The following OR9Q1 variants were observed in gnomAD, a reference collection of about 807,000 sequenced individuals.
The protein encoded by OR9Q1 is olfactory receptor family 9 subfamily Q member 1.
For synonymous variants in OR9Q1, 153 were observed against 148.6 expected (o/e 1.03, Z -0.22); for missense variants, 374 against 378.8 (o/e 0.99, Z 0.11).
chr11:58,061,109 T>C lies in OR9Q1; in HGVS notation c.-15+5162T>C, dbSNP rs562503548. ...TTTCTCTTCTCTCCTGCTCATCTTC[T>C]TCCTGCTTTCCTTCCCCTACAGGCT... is the stretch of plus-strand genomic sequence containing the variant. On this transcript the variant is annotated intron_variant, in intron 2 of 2. Coordinates refer to ENST00000335397, the MANE Select transcript of OR9Q1 (RefSeq NM_001005212.4). 4.1e-4 allele frequency among the ~76,000 whole-genome samples: 63 copies of C among 152,300 alleles called. No individual in the cohort carries two copies. In the South Asian group the frequency reaches 4.6e-3, roughly 11 times the overall value.
chr11:58,024,431 G>C (rs1307628908), intron 1 of OR9Q1, among the ~76,000 whole-genome samples: 1 of 152,094 alleles, frequency 6.6e-6, no homozygotes, highest in Non-Finnish European at 1.5e-5. Context: ...TAGGCCCCCA[G>C]ATGCCAGGTG....
chr11:58,034,104 C>G (rs1853070760), intron 1 of OR9Q1, among the ~76,000 whole-genome samples: 1 of 99,420 alleles, frequency 1.0e-5, no homozygotes, highest in Non-Finnish European at 1.8e-5. Context: ...TTTTTTTAGA[C>G]AGAGTCTTGC....
intron 2 of OR9Q1, among the ~76,000 whole-genome samples, chr11:58,156,985 C>A (rs1554971836): frequency 6.6e-6 from 1 of 152,158 alleles, no homozygotes; most frequent in Non-Finnish European, 1.5e-5. Context: ...TCTTAATAAC[C>A]TGTGAGTCAA....
chr11:58,113,495 C>G (rs902718870), intron 2 of OR9Q1, among the ~76,000 whole-genome samples: 3 of 152,220 alleles, frequency 2.0e-5, no homozygotes, highest in Non-Finnish European at 4.4e-5. Context: ...ATTGTACTCT[C>G]TCTTCCTGTA....
chr11:58,109,258 G>T, intron 2 of OR9Q1: 1 of 463,158 alleles, frequency 2.2e-6, no homozygotes. Context: ...TGGAGTCATG[G>T]TCATGTTACA....
At chr11:58,141,012 A>C (rs1303175460) in intron 2 of OR9Q1, among the ~76,000 whole-genome samples, 1 of 152,052 alleles carries the variant, frequency 6.6e-6, no homozygotes, top group Non-Finnish European at 1.5e-5. Flanking sequence ...CATCCCTTGT[A>C]AGTTGGATTC....
intron 2 of OR9Q1, among the ~76,000 whole-genome samples, chr11:58,108,479 A>G (rs180879100): frequency 5.6e-4 from 86 of 152,222 alleles, no homozygotes; most frequent in Admixed American, 4.1e-3. Context: ...GAATCCAGAA[A>G]GTTTGGGAGG....
intron 2 of OR9Q1, among the ~76,000 whole-genome samples, chr11:58,080,009 C>T (rs1022856980): frequency 4.6e-5 from 7 of 152,050 alleles, no homozygotes; most frequent in Admixed American, 2.6e-4. Flanking sequence ...TCTACAAAAA[C>T]GATTTTCTTT....
At chr11:58,123,136 G>T (rs1216393244) in intron 2 of OR9Q1, among the ~76,000 whole-genome samples, 2 of 152,092 alleles carry the variant, frequency 1.3e-5, no homozygotes, top group East Asian at 3.8e-4. Context: ...ATCTTTGGGA[G>T]ATTAATTTGT....
At chr11:58,135,856 G>A (rs1854184141) in intron 2 of OR9Q1, among the ~76,000 whole-genome samples, 1 of 152,164 alleles carries the variant, frequency 6.6e-6, no homozygotes, top group South Asian at 2.1e-4. Context: ...TTATCAAGCT[G>A]ATCTCTGAGC....
chr11:58,083,028 T>C (rs1346573452), intron 2 of OR9Q1, among the ~76,000 whole-genome samples: 1 of 150,252 alleles, frequency 6.7e-6, no homozygotes, highest in Non-Finnish European at 1.5e-5. Context: ...TTAGATCCCA[T>C]TTGTCTATTT....
chr11:58,131,009 C>T (rs1349882609), intron 2 of OR9Q1, among the ~76,000 whole-genome samples: 1 of 151,976 alleles, frequency 6.6e-6, no homozygotes, highest in African/African-American at 2.4e-5. Flanking sequence ...ACCAAAGTGA[C>T]CCAAATTACT....
At chr11:58,082,506 A>G (rs1164609254) in intron 2 of OR9Q1, among the ~76,000 whole-genome samples, 2 of 149,128 alleles carry the variant, frequency 1.3e-5, no homozygotes, top group Non-Finnish European at 3.0e-5. Context: ...ACAAAAAACC[A>G]AATACCACAT....
chr11:58,040,141 A>G (rs61904009), intron 1 of OR9Q1, among the ~76,000 whole-genome samples: 32,814 of 152,126 alleles, frequency 0.22, 4,098 homozygotes, highest in Middle Eastern at 0.38. Context: ...ATTGACTCTT[A>G]ACCTCTGTAC....
At position 58,154,379 on chromosome 11, in the gene OR9Q1, A is replaced by ATTTTTT. The variant is rs3085835; in HGVS notation, c.-14-25041_-14-25036dup. ...TTAGCAATAAAAATCAATGCAATGG[A>ATTTTTT]TTTTTTTTTTTTTTTTGTCCTGTGA... On this transcript the variant is annotated intron_variant, in intron 2 of 2. Coordinates refer to ENST00000335397, the MANE Select transcript of OR9Q1 (RefSeq NM_001005212.4). Among the ~76,000 whole-genome samples, 22 of 140,958 alleles carry ATTTTTT rather than the reference A, an allele frequency of 1.6e-4. 2 individuals are homozygous for ATTTTTT. The highest frequency in any genetic ancestry group is 4.6e-4 in the South Asian group (2 of 4,374). 92.5% of individuals were successfully genotyped at this position (140,958 alleles called of 152,430 possible). A position where few individuals can be genotyped will look rare whatever the true frequency, so the allele number is the denominator to read the frequency against.
At chr11:58,166,725 A>G (rs2443439) in intron 2 of OR9Q1, among the ~76,000 whole-genome samples, 63,189 of 151,974 alleles carry the variant, frequency 0.42, 13,333 homozygotes, top group Admixed American at 0.46. Flanking sequence ...TTCACTGTGG[A>G]CTGCGGGAAA....
At chr11:58,093,584 C>T (rs996864284) in intron 2 of OR9Q1, among the ~76,000 whole-genome samples, 1 of 151,758 alleles carries the variant, frequency 6.6e-6, no homozygotes, top group Non-Finnish European at 1.5e-5. Flanking sequence ...CACGGTGAAA[C>T]CTTGTCTCTA....
chr11:58,031,797 A>G (rs770083563), intron 1 of OR9Q1: 1 of 1,613,790 alleles, frequency 6.2e-7, no homozygotes, highest in Admixed American at 1.7e-5. Flanking sequence ...TCTGTCTTCT[A>G]CTCTGTTGTC....
intron 2 of OR9Q1, among the ~76,000 whole-genome samples, chr11:58,128,171 A>C (rs1854106933): frequency 6.7e-6 from 1 of 149,040 alleles, no homozygotes; most frequent in Admixed American, 6.7e-5. Context: ...ATTTGTTAGA[A>C]AAATAATATA....
Sources: gnomAD v4.1 joint callset for allele counts (sites outside exome capture counted in the v4.1 genomes callset) on GRCh38, gnomAD v4.1.1 for gene constraint, MANE v1.5 for transcripts, NCBI Gene and HGNC (gene_info 2026-07-23, HGNC 2026-07-21) for gene names.